FGGY: variants seen among roughly 807,000 people sequenced by gnomAD.
FGGY encodes the protein FGGY carbohydrate kinase domain-containing protein.
FGGY carries 72 observed loss-of-function variants against 71.3 expected under a neutral mutation model. The observed-to-expected ratio is 1.01, with a 90% confidence interval of 0.84 to 1.23. The LOEUF is 1.23. Among genes scored for constraint, FGGY ranks in the 50% most tolerant of loss-of-function variants. The probability of loss-of-function intolerance (pLI) is 0.00; values close to 1 mark genes in which losing one functional copy is unlikely to be tolerated. For synonymous variants in FGGY, 251 were observed against 250.3 expected (o/e 1.00, Z -0.02); for missense variants, 668 against 682.3 (o/e 0.98, Z 0.23).
intron 14 of FGGY, among the ~76,000 whole-genome samples, chr1:59,754,055 A>G (rs547575133): frequency 3.3e-5 from 5 of 152,336 alleles, no homozygotes; most frequent in Admixed American, 6.5e-5. Flanking sequence ...CCCTAATCAG[A>G]TTCTTCTTTC....
rs572846503 is a variant in FGGY, at chr1:59,324,477, C to T, written c.201+2727C>T. 1.7e-4 allele frequency among the ~76,000 whole-genome samples: 25 copies of T among 151,196 alleles called. No individual in the cohort carries two copies. In the South Asian group the frequency reaches 4.2e-3, roughly 25 times the overall value. On this transcript the variant is annotated intron_variant, in intron 2 of 15. Transcript: ENST00000303721. ...ATTTTTAGTAGAGACGGGGTTTCAC[C>T]GTTTTAGCCGGGATGGTCTCGATCT...
intron 5 of FGGY, among the ~76,000 whole-genome samples, chr1:59,419,011 C>T (rs1307459190): frequency 2.0e-5 from 3 of 152,046 alleles, no homozygotes; most frequent in Non-Finnish European, 4.4e-5. Flanking sequence ...AATGGTAAGA[C>T]GTTTGGTATG....
At position 59,422,245 on chromosome 1, in the gene FGGY, T is replaced by C. The variant is rs74087467; in HGVS notation, c.555-34716T>C. Among the ~76,000 whole-genome samples, 728 of 152,352 alleles carry C rather than the reference T, an allele frequency of 4.8e-3. 5 individuals are homozygous for C. Among genetic ancestry groups the C allele is most frequent in the African/African-American group, 0.016 (681 of 41,574 alleles). On this transcript the variant is annotated intron_variant, in intron 5 of 15. Transcript: ENST00000303721. ...ATTTTATCAGGTTTCTACACGATTC[T>C]CATGTTCCAATAGTTTGGTGATTTA...
rs2153619860 is a variant in FGGY at position 59,506,731 on chromosome 1, A to G, written c.671-5580A>G. Among the ~76,000 whole-genome samples, 2 of 152,282 alleles carry G rather than the reference A, an allele frequency of 1.3e-5. 1 individual carries two copies. The highest frequency in any genetic ancestry group is 3.9e-4 in the East Asian group (2 of 5,172). ...TGAGAATCGCTTGAACCTGGGAGGC[A>G]GAGGTTGTAGTGAGCTGAGATTGTG... On this transcript the variant is annotated intron_variant, in intron 6 of 15. Transcript: ENST00000303721.
At chr1:59,380,507 A>G (rs1271994834) in intron 5 of FGGY, among the ~76,000 whole-genome samples, 2 of 151,576 alleles carry the variant, frequency 1.3e-5, no homozygotes, top group East Asian at 1.9e-4. Context: ...GTGAGATGAT[A>G]TCTCATTGTG....
At chr1:59,332,151 A>G (rs759851889) in intron 2 of FGGY, 9 of 152,202 alleles carry the variant, frequency 5.9e-5, no homozygotes, top group Non-Finnish European at 8.8e-5. Flanking sequence ...ATTTCCCACA[A>G]TAAGAAGAAA....
intron 2 of FGGY, among the ~76,000 whole-genome samples, chr1:59,327,829 C>G (rs1218545484): frequency 2.6e-5 from 4 of 152,202 alleles, no homozygotes. Flanking sequence ...CCTTGTACAT[C>G]TTCATCAGAA....
At chr1:59,517,639 TC>T (rs2094701367) in intron 7 of FGGY, among the ~76,000 whole-genome samples, 1 of 152,188 alleles carries the variant, frequency 6.6e-6, no homozygotes, top group East Asian at 1.9e-4. Context: ...ACTCTCTTTT[TC>T]CCCCACTGTG....
At chr1:59,578,385 G>A (rs982046266) in intron 8 of FGGY, among the ~76,000 whole-genome samples, 3 of 151,944 alleles carry the variant, frequency 2.0e-5, no homozygotes, top group African/African-American at 7.3e-5. Context: ...CATCAAGTGA[G>A]ACCTTCCCCA....
chr1:59,419,850 A>G (rs879822456), intron 5 of FGGY, among the ~76,000 whole-genome samples: 3 of 152,134 alleles, frequency 2.0e-5, no homozygotes, highest in Non-Finnish European at 4.4e-5. Flanking sequence ...TCAACATGCT[A>G]ATCCTAGCCT....
At chr1:59,610,296 A>G (rs1017714284) in intron 9 of FGGY, among the ~76,000 whole-genome samples, 1 of 150,360 alleles carries the variant, frequency 6.7e-6, no homozygotes, top group African/African-American at 2.5e-5. Flanking sequence ...ATGTGTTCTC[A>G]TTCTTCAACT....
intron 5 of FGGY, among the ~76,000 whole-genome samples, chr1:59,454,849 A>G (rs563365047): frequency 3.9e-5 from 6 of 152,346 alleles, no homozygotes; most frequent in African/African-American, 1.4e-4. Context: ...GGATCCTAGT[A>G]TAGTGCCAGG....
intron 4 of FGGY, among the ~76,000 whole-genome samples, chr1:59,373,466 A>C (rs1371307344): frequency 6.6e-6 from 1 of 152,210 alleles, no homozygotes; most frequent in African/African-American, 2.4e-5. Context: ...AATATCGTGA[A>C]AATGGCCATA....
At chr1:59,450,141 C>T (rs995144093) in intron 5 of FGGY, among the ~76,000 whole-genome samples, 2 of 152,044 alleles carry the variant, frequency 1.3e-5, no homozygotes, top group Non-Finnish European at 2.9e-5. Context: ...TTCCCTTTTC[C>T]TGTATTCTCC....
At chr1:59,353,191 A>G (rs2053627890) in intron 4 of FGGY, among the ~76,000 whole-genome samples, 1 of 152,234 alleles carries the variant, frequency 6.6e-6, no homozygotes, top group Non-Finnish European at 1.5e-5. Flanking sequence ...GGACAATAGT[A>G]TCAGTCTTGT....
At chr1:59,318,654 G>A (rs2045876874) in intron 1 of FGGY, 1 of 152,048 alleles carries the variant, frequency 6.6e-6, no homozygotes, top group Non-Finnish European at 1.5e-5. Context: ...TGGGGAATCT[G>A]TCTTGTCATC....
At chr1:59,450,093 AT>A (rs2072339303) in intron 5 of FGGY, among the ~76,000 whole-genome samples, 1 of 152,170 alleles carries the variant, frequency 6.6e-6, no homozygotes, top group South Asian at 2.1e-4. Flanking sequence ...GTTTTAATCT[AT>A]TTTCTTTTTC....
intron 6 of FGGY, among the ~76,000 whole-genome samples, chr1:59,488,324 A>G (rs1441460256): frequency 2.6e-5 from 4 of 151,976 alleles, no homozygotes; most frequent in Non-Finnish European, 4.4e-5. Flanking sequence ...GGAATTACTA[A>G]GTAAAAAATA....
At chr1:59,530,152 T>C (rs1471909971) in intron 7 of FGGY, among the ~76,000 whole-genome samples, 1 of 152,056 alleles carries the variant, frequency 6.6e-6, no homozygotes, top group Admixed American at 6.6e-5. Context: ...GAGCCGTAAA[T>C]CCTGAAGTTA....
Sources: allele counts gnomAD v4.1 joint callset (sites outside exome capture counted in the v4.1 genomes callset), GRCh38; gene constraint gnomAD v4.1.1; transcripts MANE v1.5; gene names NCBI Gene and HGNC (gene_info 2026-07-23, HGNC 2026-07-21).